Variants in FRK observed in about 807,000 individuals in gnomAD.
FRK encodes the protein tyrosine-protein kinase FRK.
FRK carries 51 observed loss-of-function variants against 56.4 expected under a neutral mutation model. The observed-to-expected ratio is 0.90, with a 90% CI of 0.72 to 1.14. The LOEUF (loss-of-function observed/expected upper bound fraction) is 1.14, where lower values mean the gene tolerates loss of function less well. Ranked by LOEUF, FRK falls within the 50% of genes most tolerant of loss-of-function variation. The pLI is 0.00. For missense variants in FRK, 570 were observed against 601.4 expected, an observed-to-expected ratio of 0.95 and a Z score of 0.55; for synonymous variants, 245 against 217.9, an observed-to-expected ratio of 1.12 and a Z score of -1.10.
intron 1 of FRK, among the ~76,000 whole-genome samples, chr6:116,041,678 G>T (rs760012826): frequency 6.6e-6 from 1 of 152,160 alleles, no homozygotes; most frequent in Non-Finnish European, 1.5e-5. Context: ...AAGGGAAGCC[G>T]TAAGGGACTA....
intron 1 of FRK, among the ~76,000 whole-genome samples, chr6:116,055,278 C>T (rs1278703326): frequency 6.6e-6 from 1 of 152,178 alleles, no homozygotes; most frequent in African/African-American, 2.4e-5. Context: ...AGAAAAATCC[C>T]ATTACTTTTA....
chr6:115,960,319 A>G (rs937092408), intron 4 of FRK, among the ~76,000 whole-genome samples: 19 of 151,368 alleles, frequency 1.3e-4, no homozygotes, highest in Non-Finnish European at 2.7e-4. Context: ...TCCCACCCGA[A>G]TATTGCGCTT....
intron 4 of FRK, among the ~76,000 whole-genome samples, chr6:115,959,193 C>T (rs12203739): frequency 0.19 from 28,460 of 152,152 alleles, 3,284 homozygotes; most frequent in Middle Eastern, 0.31. Flanking sequence ...AATAAATAGC[C>T]GCTCATATTG....
chr6:115,954,296 C>G (rs1255975244), intron 5 of FRK, among the ~76,000 whole-genome samples: 1 of 152,186 alleles, frequency 6.6e-6, no homozygotes, highest in African/African-American at 2.4e-5. Context: ...CCAGGCCATG[C>G]AGGACTTCAT....
At chr6:115,994,321 ACCT>A (rs1253682812) in intron 2 of FRK, among the ~76,000 whole-genome samples, 6,751 of 47,776 alleles carry the variant, frequency 0.14, 1,075 homozygotes, top group Middle Eastern at 0.21. Context: ...GAATCTCACA[ACCT>A]CCCCCCCCCC....
chr6:116,043,337 G>A (rs1316369305), intron 1 of FRK, among the ~76,000 whole-genome samples: 1 of 152,138 alleles, frequency 6.6e-6, no homozygotes, highest in Non-Finnish European at 1.5e-5. Flanking sequence ...ATAATTGGAA[G>A]TAAAACACTC....
chr6:116,084,904 T>C, the FRK span, among the ~76,000 whole-genome samples: 1 of 152,162 alleles, frequency 6.6e-6, no homozygotes, highest in Non-Finnish European at 1.5e-5. Flanking sequence ...AGTGATAAGA[T>C]AATGGCAGTG....
chr6:116,098,054 T>G, the FRK span, among the ~76,000 whole-genome samples: 1 of 150,036 alleles, frequency 6.7e-6, no homozygotes. Flanking sequence ...CAAGGCGCTG[T>G]CAGGGTTGGT....
chr6:115,980,728 C>T (rs1774166764), intron 2 of FRK, among the ~76,000 whole-genome samples: 1 of 152,090 alleles, frequency 6.6e-6, no homozygotes, highest in Non-Finnish European at 1.5e-5. Flanking sequence ...TGGTATGATA[C>T]TTGATATTCT....
chr6:116,025,060 T>C (rs1334689916), intron 1 of FRK, among the ~76,000 whole-genome samples: 1 of 152,194 alleles, frequency 6.6e-6, no homozygotes, highest in African/African-American at 2.4e-5. Flanking sequence ...TGCATAAATG[T>C]CTTACCTTTT....
At chr6:115,988,716 C>T (rs1004625945) in intron 2 of FRK, among the ~76,000 whole-genome samples, 5 of 151,918 alleles carry the variant, frequency 3.3e-5, no homozygotes, top group South Asian at 2.1e-4. Flanking sequence ...TGTTTGTATA[C>T]GCGATACACT....
the FRK span, among the ~76,000 whole-genome samples, chr6:116,087,068 G>A: frequency 5.3e-5 from 8 of 152,214 alleles, no homozygotes; most frequent in East Asian, 3.8e-4. Context: ...TGAGCAGAGC[G>A]CGCAGCATGA....
intron 1 of FRK, among the ~76,000 whole-genome samples, chr6:116,033,565 G>A (rs969582169): frequency 2.6e-5 from 4 of 152,014 alleles, no homozygotes; most frequent in Admixed American, 1.3e-4. Flanking sequence ...TCAACTAGGT[G>A]TCTACTTTTC....
chr6:115,966,039 T>C (rs1230279433), intron 4 of FRK, among the ~76,000 whole-genome samples: 2 of 44,918 alleles, frequency 4.5e-5, no homozygotes. Flanking sequence ...ACCCTAAAAC[T>C]TAAAGTATAA....
chr6:115,949,267 A>AC (rs59140003), intron 5 of FRK, among the ~76,000 whole-genome samples: 101,909 of 151,912 alleles, frequency 0.67, 34,715 homozygotes, highest in East Asian at 0.98. Flanking sequence ...CTATTTGAAT[A>AC]CCTTTATTTC....
chr6:116,030,069 C>A (rs1189002912), intron 1 of FRK, among the ~76,000 whole-genome samples: 2 of 152,084 alleles, frequency 1.3e-5, no homozygotes, highest in Non-Finnish European at 2.9e-5. Flanking sequence ...GAACCACAGA[C>A]CCCTCGGAAG....
intron 5 of FRK, among the ~76,000 whole-genome samples, chr6:115,949,352 G>T (rs1287535879): frequency 6.6e-6 from 1 of 152,136 alleles, no homozygotes; most frequent in Non-Finnish European, 1.5e-5. Context: ...GGGCATCCTT[G>T]TCTTGTGCCA....
chr6:116,068,481 GA>G, the FRK span, among the ~76,000 whole-genome samples: 1 of 151,992 alleles, frequency 6.6e-6, no homozygotes, highest in African/African-American at 2.4e-5. Flanking sequence ...TCGGAACTTA[GA>G]AGACATCAAA....
intron 1 of FRK, among the ~76,000 whole-genome samples, chr6:116,040,741 C>T (rs1168011031): frequency 2.6e-5 from 4 of 152,106 alleles, no homozygotes; most frequent in Admixed American, 2.6e-4. Flanking sequence ...TTTACTCTGA[C>T]AATGGAAACG....
Sources: allele counts gnomAD v4.1 joint callset (sites outside exome capture counted in the v4.1 genomes callset), GRCh38; gene constraint gnomAD v4.1.1; transcripts MANE v1.5; gene names NCBI Gene and HGNC (gene_info 2026-07-23, HGNC 2026-07-21).